Variants in MICU3 observed in about 807,000 individuals in gnomAD.
MICU3 encodes the protein mitochondrial calcium uptake 3.
MICU3 carries 62 observed loss-of-function variants against 66.5 expected under a neutral mutation model. The ratio of observed to expected loss-of-function variants is 0.93; its 90% CI spans 0.76 to 1.15. The LOEUF (loss-of-function observed/expected upper bound fraction) is 1.15. MICU3 is among the 50% of genes most tolerant of loss of function. MICU3 has a pLI of 0.00. For missense variants in MICU3, 779 were observed against 664.4 expected (o/e 1.17, Z -1.90); for synonymous variants, 308 against 240.7 (o/e 1.28, Z -2.59).
chr8:17,100,350 A>G (rs1428905787), intron 9 of MICU3, among the ~76,000 whole-genome samples: 1 of 151,846 alleles, frequency 6.6e-6, no homozygotes, highest in African/African-American at 2.4e-5. Context: ...CAATCAAGAA[A>G]GGAAAAAGAG....
At chr8:17,098,424 T>C in intron 8 of MICU3, 34 bp from the exon 9 acceptor site, 2 of 1,266,468 alleles carry the variant, frequency 1.6e-6, no homozygotes, top group Non-Finnish European at 2.3e-6. Context: ...AACTATTCTT[T>C]AGATTTCAGT....
At chr8:17,048,650 C>T (rs1017729484) in intron 1 of MICU3, among the ~76,000 whole-genome samples, 2 of 152,192 alleles carry the variant, frequency 1.3e-5, no homozygotes, top group Non-Finnish European at 2.9e-5. Context: ...GGGATTCACT[C>T]TGTCACCCAG....
chr8:17,088,368 G>T (rs189040353), intron 7 of MICU3, among the ~76,000 whole-genome samples: 1 of 151,888 alleles, frequency 6.6e-6, no homozygotes, highest in African/African-American at 2.4e-5. Context: ...TACATGAATA[G>T]CCCCATAATT....
rs1000042305 is a variant in MICU3 at position 17,087,028 on chromosome 8, C to T, written c.842C>T (p.Ala281Val). The T allele has an allele frequency of 1.9e-6, 3 of 1,601,130 alleles. No individual in the cohort carries two copies. The African/African-American group carries it at 4.0e-5, about 21-fold the overall frequency. The change falls in exon 7 of 15, where the codon GCA becomes GTA. Residue 281 changes from alanine (A) to valine (V), a missense_variant. Coordinates refer to ENST00000318063, the MANE Select transcript of MICU3 (RefSeq NM_181723.3). ...ATTAAAGGAGATGAAGAAAAGCGTG[C>T]AATGCTGGTAAGAATACTTTATAGT... ...REIKGDEEKR[A>V]MLRLQLYGYH...
intron 2 of MICU3, 114 bp downstream of exon 2, chr8:17,064,351 A>T (rs1818348868): frequency 2.8e-6 from 2 of 727,058 alleles, no homozygotes; most frequent in African/African-American, 1.8e-5. Context: ...GGTATTTCAC[A>T]TGATATTGTG....
At chr8:17,053,309 C>G (rs1176350024) in intron 1 of MICU3, among the ~76,000 whole-genome samples, 9 of 152,126 alleles carry the variant, frequency 5.9e-5, no homozygotes, top group Admixed American at 5.9e-4. Flanking sequence ...AGTAGTGAAT[C>G]CTTTATCTGG....
intron 1 of MICU3, among the ~76,000 whole-genome samples, chr8:17,047,718 G>C (rs1391256843): frequency 6.6e-6 from 1 of 152,126 alleles, no homozygotes; most frequent in Non-Finnish European, 1.5e-5. Context: ...CTATACCTCG[G>C]TAAGTTATTT....
intron 1 of MICU3, among the ~76,000 whole-genome samples, chr8:17,043,299 C>T (rs1011871959): frequency 5.9e-5 from 9 of 152,108 alleles, no homozygotes; most frequent in African/African-American, 2.2e-4. Flanking sequence ...AATTTAGGCA[C>T]AGTTTAAGCT....
chr8:17,048,146 G>A (rs562199157), intron 1 of MICU3, among the ~76,000 whole-genome samples: 2 of 152,154 alleles, frequency 1.3e-5, no homozygotes, highest in East Asian at 1.9e-4. Flanking sequence ...TTCGATGTTC[G>A]AAACAAGATA....
At chr8:17,059,477 T>G (rs1313708527) in intron 1 of MICU3, among the ~76,000 whole-genome samples, 3 of 152,134 alleles carry the variant, frequency 2.0e-5, no homozygotes, top group African/African-American at 7.2e-5. Context: ...TTACTGATAA[T>G]ATTCAACATC....
intron 1 of MICU3, among the ~76,000 whole-genome samples, chr8:17,045,185 A>C (rs1215692021): frequency 1.3e-5 from 2 of 152,170 alleles, no homozygotes; most frequent in Admixed American, 1.3e-4. Context: ...TGATGTTATG[A>C]GGTAGATAGA....
At position 17,120,560 on chromosome 8, in the gene MICU3, A is replaced by G. The variant is rs555036677; in HGVS notation, c.*273A>G. On this transcript the variant is annotated 3_prime_UTR_variant, in exon 15 of 15. Coordinates refer to ENST00000318063, the MANE Select transcript of MICU3 (RefSeq NM_181723.3). ...GCACTTTTTCATTCCCTTCAGAAGT[A>G]TATAGATACTTCCGGTGACTACATA... The G allele has an allele frequency of 4.5e-4, 69 of 152,446 alleles. 1 individual carries two copies. Among genetic ancestry groups the G allele is most frequent in the African/African-American group, 1.6e-3 (68 of 41,586 alleles). The allele number at this position is 152,446 out of a possible 1,614,324, so 9.4% of individuals were successfully genotyped here. A position where few individuals can be genotyped will look rare whatever the true frequency, so the allele number is the denominator to read the frequency against.
At chr8:17,137,578 C>G in the MICU3 span, among the ~76,000 whole-genome samples, 2 of 148,216 alleles carry the variant, frequency 1.3e-5, no homozygotes, top group African/African-American at 5.0e-5. Context: ...GCTTCAAAAA[C>G]TATGTAGCCC....
chr8:17,034,969 T>A (rs932878490), intron 1 of MICU3, among the ~76,000 whole-genome samples: 1 of 152,172 alleles, frequency 6.6e-6, no homozygotes, highest in Non-Finnish European at 1.5e-5. Context: ...ATAACACACA[T>A]ATGTCATGAG....
At chr8:17,046,113 C>G (rs1815036054) in intron 1 of MICU3, among the ~76,000 whole-genome samples, 1 of 152,184 alleles carries the variant, frequency 6.6e-6, no homozygotes, top group Non-Finnish European at 1.5e-5. Flanking sequence ...TTATTTGAAT[C>G]CAAAGAGGGA....
chr8:17,069,730 G>A lies in MICU3; in HGVS notation c.567+11G>A. 6.7e-7 allele frequency: 1 copy of A among 1,499,396 alleles called. No individual in the cohort carries two copies. Among genetic ancestry groups the A allele is most frequent in the East Asian group, 2.4e-5 (1 of 41,772 alleles). The allele number at this position is 1,499,396 out of a possible 1,614,324, so 92.9% of individuals were successfully genotyped here. On this transcript the variant is annotated intron_variant, in intron 3 of 14. Coordinates refer to ENST00000318063, the MANE Select transcript of MICU3 (RefSeq NM_181723.3). The stretch of plus-strand genomic sequence containing the variant: ...TCACTTTCCAAACAGGTGAGTTAAA[G>A]CTCTTGGTAGATATACACAAATTTT...
intron 11 of MICU3, among the ~76,000 whole-genome samples, chr8:17,112,914 A>T (rs1585557469): frequency 6.6e-6 from 1 of 152,232 alleles, no homozygotes; most frequent in East Asian, 1.9e-4. Context: ...AGTCCTCCTA[A>T]CTGATTCAAA....
At chr8:17,045,732 A>G (rs555812801) in intron 1 of MICU3, among the ~76,000 whole-genome samples, 30 of 152,320 alleles carry the variant, frequency 2.0e-4, no homozygotes, top group Non-Finnish European at 3.1e-4. Context: ...TAAAGGAAAG[A>G]GGTTTGATGG....
At chr8:17,032,873 A>G (rs536641960) in intron 1 of MICU3, among the ~76,000 whole-genome samples, 47 of 152,306 alleles carry the variant, frequency 3.1e-4, no homozygotes, top group Admixed American at 9.8e-4. Flanking sequence ...GCAGTATTTC[A>G]GACTTTTTCG....
Sources: gnomAD v4.1 joint callset for allele counts (sites outside exome capture counted in the v4.1 genomes callset) on GRCh38, gnomAD v4.1.1 for gene constraint, MANE v1.5 for transcripts, NCBI Gene and HGNC (gene_info 2026-07-23, HGNC 2026-07-21) for gene names.